FAM161B: variants seen among roughly 807,000 people sequenced by gnomAD.
FAM161B encodes the protein FAM161 centrosomal protein B.
In FAM161B, 46 loss-of-function variants were observed where a neutral mutation model predicts 61.5. The ratio of observed to expected loss-of-function variants is 0.75; its 90% CI spans 0.59 to 0.96. The LOEUF is 0.96. FAM161B is among the 40% of genes least tolerant of loss of function. The pLI is 0.00. For missense variants in FAM161B, 774 were observed against 800.7 expected (o/e 0.97, Z 0.40); for synonymous variants, 284 against 302.7 (o/e 0.94, Z 0.64).
chr14:73,944,859 G>A lies in FAM161B; in HGVS notation c.401C>T (p.Ser134Phe), dbSNP rs747735375. ...AATGTTGGAGGGAAGGTTGTTCAGG[G>A]AGCTGCAGCGCCTTGTGGAGCCACA... ...LRCGSTRRCS[S>F]LNNLPSNIPR... is the part of the protein sequence containing the mutation. The change falls in exon 3 of 9, where the codon TCC becomes TTC. Residue 134 changes from serine to phenylalanine, a missense_variant. Physicochemically the swap from Ser to Phe is radical, Grantham distance 155 (BLOSUM62 -2). Coordinates refer to ENST00000286544, the MANE Select transcript of FAM161B (RefSeq NM_152445.3). The A allele has an allele frequency of 1.3e-6, 2 of 1,524,604 alleles. No individual in the cohort carries two copies. Among genetic ancestry groups the A allele is most frequent in the African/African-American group, 1.4e-5 (1 of 72,056 alleles). 94.4% of individuals were successfully genotyped at this position (1,524,604 alleles called of 1,614,324 possible).
intron 4 of FAM161B, 69 bp from the exon 5 acceptor site, chr14:73,941,122 TTTTTTTTTGAGACAGAG>T: frequency 1.3e-6 from 2 of 1,489,602 alleles, no homozygotes. Context: ...TTTTTTTTTT[TTTTTTTTTGAGACAGAG>T]TCTCGTCTCG....
At chr14:73,938,485 T>C (rs1202743667) in intron 5 of FAM161B, among the ~76,000 whole-genome samples, 1 of 141,242 alleles carries the variant, frequency 7.1e-6, no homozygotes, top group African/African-American at 2.7e-5. Flanking sequence ...TAAAATAAAA[T>C]AAAATAGCCG....
At chr14:73,926,940 G>A (rs2034105780), downstream of FAM161B, among the ~76,000 whole-genome samples, 1 of 152,114 alleles carries the variant, frequency 6.6e-6, no homozygotes, top group Non-Finnish European at 1.5e-5. Flanking sequence ...TCATCAGGAG[G>A]CACATGACAA....
chr14:73,944,556 T>C lies in FAM161B; in HGVS notation c.704A>G (p.Glu235Gly). Reference sequence around the variant, plus strand: ...TGCCTGCCTTCGGGCCTCGCTGCGCTCCATGATCTCTTGGTAGAGGGGCAG... The same window carrying C: ...TGCCTGCCTTCGGGCCTCGCTGCGCCCCATGATCTCTTGGTAGAGGGGCAG... ...VYLPLYQEIM[E>G]RSEARRQAGI... Residue 235 changes from glutamate to glycine, a missense_variant, in exon 3 of 9, where the codon GAG (glutamate) becomes GGG (glycine). Transcript: ENST00000286544. The C allele has an allele frequency of 6.2e-7, 1 of 1,614,020 alleles. No homozygotes were observed. Among genetic ancestry groups the C allele is most frequent in the South Asian group, 1.1e-5 (1 of 91,076 alleles).
intron 8 of FAM161B, among the ~76,000 whole-genome samples, chr14:73,935,565 T>C (rs2055965286): frequency 6.6e-6 from 1 of 150,548 alleles, no homozygotes; most frequent in Admixed American, 6.6e-5. Context: ...AAAAAGGTTA[T>C]GGAGAAGGTG....
the FAM161B span, among the ~76,000 whole-genome samples, chr14:73,925,227 G>T: frequency 6.6e-6 from 1 of 152,046 alleles, no homozygotes; most frequent in South Asian, 2.1e-4. Flanking sequence ...ACTTTTTCTG[G>T]TAACTGCTTT....
At chr14:73,924,386 C>T in the FAM161B span, among the ~76,000 whole-genome samples, 1 of 152,166 alleles carries the variant, frequency 6.6e-6, no homozygotes, top group Non-Finnish European at 1.5e-5. Context: ...GGGCACGGAC[C>T]AGTGCTGGTC....
downstream of FAM161B, chr14:73,931,464 A>G (rs201137210): frequency 4.5e-6 from 7 of 1,569,000 alleles, no homozygotes; most frequent in Admixed American, 8.6e-5. Context: ...CTATAATTCA[A>G]CTGTAACCTA....
Position 73,944,816 on chromosome 14 carries a change from C to T in FAM161B, c.444G>A (p.Gln148=), listed in dbSNP as rs758769258. 5 of 1,565,610 alleles carry T rather than the reference C, an allele frequency of 3.2e-6. No homozygotes were observed. The highest frequency in any genetic ancestry group is 3.7e-5 in the Admixed American group (2 of 53,668). Residue 148 remains glutamine (Q), a synonymous_variant, in exon 3 of 9, where the codon CAG becomes CAA. Coordinates refer to ENST00000286544, the MANE Select transcript of FAM161B (RefSeq NM_152445.3). The stretch of plus-strand genomic sequence containing the variant: ...AGGGAGGCCGGGAGCCTGAGGGTGG[C>T]TGGGTCTGAGGCCTGGGAATGTTGG... ...LPSNIPRPQT[Q]PPSGSRPPSQ...
In FAM161B at chr14:73,932,681, G is replaced by A. The variant is rs568055355; in HGVS notation, c.*1575C>T. ...GCTCTGTCACCCAGGCTGGAGTGCA[G>A]TAGTGTAATCATAGCTCAATGTAAC... On this transcript the variant is annotated 3_prime_UTR_variant, in exon 9 of 9. Transcript: ENST00000286544. 7 of 357,360 alleles carry A rather than the reference G, an allele frequency of 2.0e-5. No individual in the cohort carries two copies. Among genetic ancestry groups the A allele is most frequent in the African/African-American group, 1.5e-4 (7 of 46,732 alleles). The allele number at this position is 357,360 out of a possible 1,614,324, so 22.1% of individuals were successfully genotyped here.
the FAM161B span, among the ~76,000 whole-genome samples, chr14:73,926,200 A>G: frequency 6.6e-6 from 1 of 152,198 alleles, no homozygotes; most frequent in Non-Finnish European, 1.5e-5. Context: ...ATTAAAAACT[A>G]TAATATCTTT....
chr14:73,935,438 G>T (rs1225840528), intron 8 of FAM161B, among the ~76,000 whole-genome samples: 1 of 151,782 alleles, frequency 6.6e-6, no homozygotes, highest in Non-Finnish European at 1.5e-5. Flanking sequence ...TGAGGCAGGA[G>T]AATGGCGTGA....
rs762156975 is a variant in FAM161B at position 73,940,906 on chromosome 14, C to T, written c.1400+20G>A. Reference sequence around the variant, plus strand: ...GGGGCCAGAATCAGAGCATGGGTCTCGTGCAGCCTGACCACTCACCTGACT... The same window carrying T: ...GGGGCCAGAATCAGAGCATGGGTCTTGTGCAGCCTGACCACTCACCTGACT... On this transcript the variant is annotated intron_variant, in intron 5 of 8. Transcript: ENST00000286544. 16 of 1,601,112 alleles carry T rather than the reference C, an allele frequency of 1.0e-5. No homozygotes were observed. In the South Asian group the frequency reaches 1.7e-4, roughly 17 times the overall value.
chr14:73,928,550 A>G (rs2055867478), downstream of FAM161B, among the ~76,000 whole-genome samples: 1 of 152,194 alleles, frequency 6.6e-6, no homozygotes, highest in Non-Finnish European at 1.5e-5. Flanking sequence ...TTTGTTCCCT[A>G]GAACCTAGGC....
At chr14:73,930,837 G>C (rs918576368), downstream of FAM161B, among the ~76,000 whole-genome samples, 1 of 152,144 alleles carries the variant, frequency 6.6e-6, no homozygotes, top group South Asian at 2.1e-4. Flanking sequence ...CTGGTCTCAA[G>C]CAGTTCTCCT....
At chr14:73,938,280 G>A (rs1706939567) in intron 5 of FAM161B, among the ~76,000 whole-genome samples, 168 bp from the exon 6 acceptor site, 1 of 151,916 alleles carries the variant, frequency 6.6e-6, no homozygotes, top group South Asian at 2.1e-4. Flanking sequence ...CCAATACGGT[G>A]AAACCCCAGC....
intron 3 of FAM161B, among the ~76,000 whole-genome samples, chr14:73,943,275 C>A (rs1365343101): frequency 2.6e-5 from 4 of 152,216 alleles, no homozygotes; most frequent in African/African-American, 9.7e-5. Flanking sequence ...TGCACAATTT[C>A]TCTACTGAAT....
At chr14:73,935,576 A>C (rs1214603705) in intron 8 of FAM161B, among the ~76,000 whole-genome samples, 3 of 151,942 alleles carry the variant, frequency 2.0e-5, no homozygotes, top group African/African-American at 7.2e-5. Flanking sequence ...GGAGAAGGTG[A>C]TACTAATGAG....
intron 3 of FAM161B, among the ~76,000 whole-genome samples, 172 bp downstream of exon 3, chr14:73,944,163 G>A (rs1455071247): frequency 6.6e-6 from 1 of 152,188 alleles, no homozygotes; most frequent in East Asian, 1.9e-4. Flanking sequence ...GGTCCTGATT[G>A]TATAGACAGA....
Sources: allele counts gnomAD v4.1 joint callset (sites outside exome capture counted in the v4.1 genomes callset), GRCh38; gene constraint gnomAD v4.1.1; transcripts MANE v1.5; gene names NCBI Gene and HGNC (gene_info 2026-07-23, HGNC 2026-07-21).